NELL1: variants seen among roughly 807,000 people sequenced by gnomAD.
NELL1 encodes protein kinase C-binding protein NELL1.
Under a neutral mutation model 107.4 loss-of-function variants are expected in NELL1, and 76 were observed. That is an observed-to-expected ratio of 0.71 (90% CI 0.59 to 0.86). The LOEUF (loss-of-function observed/expected upper bound fraction) is 0.86. Among genes scored for constraint, NELL1 ranks in the 40% least tolerant of loss-of-function variants. NELL1 has a pLI of 0.00. For missense variants in NELL1, 1,024 were observed against 1,005.5 expected (o/e 1.02, Z -0.25); for synonymous variants, 353 against 341.2 (o/e 1.03, Z -0.38).
intron 5 of NELL1, among the ~76,000 whole-genome samples, chr11:20,892,069 T>A (rs1166502669): frequency 6.6e-6 from 1 of 152,216 alleles, no homozygotes; most frequent in Admixed American, 6.5e-5. Context: ...TACATTCTTC[T>A]CAGTGCCACA....
intron 11 of NELL1, among the ~76,000 whole-genome samples, chr11:20,952,137 C>T (rs937415023): frequency 3.3e-5 from 5 of 152,096 alleles, no homozygotes; most frequent in South Asian, 2.1e-4. Flanking sequence ...TGACCCATCC[C>T]GGAATTCTTG....
At chr11:21,511,718 C>G (rs528162776) in intron 15 of NELL1, among the ~76,000 whole-genome samples, 2 of 152,232 alleles carry the variant, frequency 1.3e-5, no homozygotes, top group South Asian at 4.1e-4. Flanking sequence ...TGCAAAGGCT[C>G]ATGCAAAGGC....
intron 2 of NELL1, among the ~76,000 whole-genome samples, chr11:20,752,677 A>T (rs931419326): frequency 6.6e-6 from 1 of 152,154 alleles, no homozygotes; most frequent in African/African-American, 2.4e-5. Context: ...TCATTTCAAC[A>T]GTAGGAGCTG....
intron 5 of NELL1, among the ~76,000 whole-genome samples, chr11:20,903,120 CT>C (rs1394372156): frequency 2.0e-5 from 3 of 151,908 alleles, no homozygotes; most frequent in Non-Finnish European, 4.4e-5. Context: ...AAATGGCATA[CT>C]TTTTCAGGGT....
chr11:20,978,474 G>C (rs536790895), intron 12 of NELL1, among the ~76,000 whole-genome samples: 3 of 152,022 alleles, frequency 2.0e-5, no homozygotes, highest in Non-Finnish European at 4.4e-5. Context: ...CCAAATATCA[G>C]AGTCTAAATG....
chr11:21,534,798 G>T (rs778618687), intron 16 of NELL1, among the ~76,000 whole-genome samples: 1 of 151,986 alleles, frequency 6.6e-6, no homozygotes, highest in Non-Finnish European at 1.5e-5. Context: ...TTCTTTCTAA[G>T]GAAAACCGTG....
intron 15 of NELL1, among the ~76,000 whole-genome samples, chr11:21,486,283 G>C (rs1232304738): frequency 6.6e-6 from 1 of 152,102 alleles, no homozygotes; most frequent in Non-Finnish European, 1.5e-5. Context: ...TGGCCCACCT[G>C]GTATCCTAGT....
At chr11:20,755,558 T>TTTTTTTTTTTTTTTTTTA (rs1267991719) in intron 2 of NELL1, among the ~76,000 whole-genome samples, 1 of 16,432 alleles carries the variant, frequency 6.1e-5, no homozygotes, top group African/African-American at 1.1e-4. Flanking sequence ...TTGTTTTTGT[T>TTTTTTTTTTTTTTTTTTA]TTTGTTTTTT....
At chr11:21,147,002 C>A (rs1855996088) in intron 13 of NELL1, among the ~76,000 whole-genome samples, 1 of 152,176 alleles carries the variant, frequency 6.6e-6, no homozygotes, top group Non-Finnish European at 1.5e-5. Flanking sequence ...CAAGATTGCA[C>A]CACTGCGCTC....
intron 4 of NELL1, among the ~76,000 whole-genome samples, chr11:20,884,251 G>T (rs76142697): frequency 0.023 from 3,548 of 152,336 alleles, 140 homozygotes; most frequent in African/African-American, 0.081. Flanking sequence ...CAAGTGGACA[G>T]TCTTTCAGTT....
chr11:21,086,655 A>G (rs987543239), intron 12 of NELL1, among the ~76,000 whole-genome samples: 1 of 152,110 alleles, frequency 6.6e-6, no homozygotes, highest in Non-Finnish European at 1.5e-5. Flanking sequence ...ATTTCCTTTC[A>G]TAATAATTCA....
chr11:20,702,097 G>C (rs1854807524), intron 2 of NELL1, among the ~76,000 whole-genome samples: 2 of 152,086 alleles, frequency 1.3e-5, no homozygotes, highest in South Asian at 4.2e-4. Context: ...AAATTACCTT[G>C]GGCAGTATGG....
intron 11 of NELL1, among the ~76,000 whole-genome samples, chr11:20,957,637 TAA>T (rs1349188132): frequency 2.0e-5 from 3 of 152,150 alleles, no homozygotes; most frequent in African/African-American, 7.2e-5. Flanking sequence ...GTAACATGTT[TAA>T]AGACATTTTT....
rs558605650 is a variant in NELL1, at chr11:21,286,870, A to G, written c.1549+57416A>G. On this transcript the variant is annotated intron_variant, in intron 14 of 19. Transcript: ENST00000357134. The stretch of plus-strand genomic sequence containing the variant: ...GGCTGGTACATAATGCATGGAATAC[A>G]TGTTTGTTGAATCAACCAAAATATG... 9.5e-4 allele frequency among the ~76,000 whole-genome samples: 144 copies of G among 152,310 alleles called. 1 individual carries two copies. In the South Asian group the frequency reaches 0.016, roughly 17 times the overall value.
intron 14 of NELL1, among the ~76,000 whole-genome samples, chr11:21,235,431 C>T (rs796435884): frequency 3.3e-5 from 5 of 152,212 alleles, no homozygotes; most frequent in African/African-American, 1.2e-4. Context: ...CGGACTCAAT[C>T]AATCAGAAGA....
At chr11:21,302,433 A>G (rs1022685394) in intron 14 of NELL1, among the ~76,000 whole-genome samples, 8 of 152,092 alleles carry the variant, frequency 5.3e-5, no homozygotes, top group African/African-American at 1.9e-4. Context: ...ATGGTTATCA[A>G]GCTCAGCATG....
chr11:21,495,617 G>T (rs12576288), intron 15 of NELL1, among the ~76,000 whole-genome samples: 28,235 of 151,836 alleles, frequency 0.19, 2,686 homozygotes, highest in East Asian at 0.28. Context: ...AATTTTACAC[G>T]CCCACCAGCA....
At position 20,721,181 on chromosome 11, in the gene NELL1, G is replaced by GTATATATATATATATA. The variant is rs137948986; in HGVS notation, c.184+43122_184+43137dup. Among the ~76,000 whole-genome samples the GTATATATATATATATA allele has an allele frequency of 4.3e-3, 538 of 125,798 alleles. 7 individuals are homozygous for GTATATATATATATATA. Among genetic ancestry groups the GTATATATATATATATA allele is most frequent in the African/African-American group, 0.014 (377 of 27,838 alleles). The allele number at this position is 125,798 out of a possible 152,430, so 82.5% of individuals were successfully genotyped here. A position where few individuals can be genotyped will look rare whatever the true frequency, so the allele number is the denominator to read the frequency against. On this transcript the variant is annotated intron_variant, in intron 2 of 19. Coordinates refer to ENST00000357134, the MANE Select transcript of NELL1 (RefSeq NM_006157.5). ...AATGAGATATAGATATATATTTTGT[G>GTATATATATATATATA]TATATATATATATATAGTGTATATA...
At chr11:21,142,214 C>A (rs1003767735) in intron 13 of NELL1, among the ~76,000 whole-genome samples, 4 of 152,186 alleles carry the variant, frequency 2.6e-5, no homozygotes, top group African/African-American at 9.6e-5. Context: ...ACAGAAATTT[C>A]CTGTTAGGAT....
Sources: gnomAD v4.1 joint callset for allele counts (sites outside exome capture counted in the v4.1 genomes callset) on GRCh38, gnomAD v4.1.1 for gene constraint, MANE v1.5 for transcripts, NCBI Gene and HGNC (gene_info 2026-07-23, HGNC 2026-07-21) for gene names.